CSMD1: variants seen among roughly 807,000 people sequenced by gnomAD.
CSMD1 encodes the protein CUB and sushi domain-containing protein 1.
A neutral mutation model predicts 417.5 loss-of-function variants in CSMD1; 213 were observed. The observed-to-expected ratio is 0.51, with a 90% CI of 0.46 to 0.57. The LOEUF (loss-of-function observed/expected upper bound fraction) is 0.57. Among genes scored for constraint, CSMD1 ranks in the 20% least tolerant of loss-of-function variants. The pLI, the probability that CSMD1 is intolerant of heterozygous loss-of-function variation, is 0.00. For synonymous variants in CSMD1, 2,862 were observed against 1,736.8 expected, an observed-to-expected ratio of 1.65 and a Z score of -16.11; for missense variants, 6,923 against 4,529.7, an observed-to-expected ratio of 1.53 and a Z score of -15.17.
chr8:4,077,134 A>C (rs2130798580), intron 3 of CSMD1, among the ~76,000 whole-genome samples: 1 of 151,844 alleles, frequency 6.6e-6, no homozygotes, highest in South Asian at 2.1e-4. Flanking sequence ...TGATGAAGTC[A>C]AGAAAGTTAA....
chr8:3,433,889 T>C (rs1814385485), intron 12 of CSMD1, among the ~76,000 whole-genome samples: 1 of 152,198 alleles, frequency 6.6e-6, no homozygotes, highest in South Asian at 2.1e-4. Flanking sequence ...TCTGGTTAAG[T>C]CAGCTAGAAA....
At position 4,637,346 on chromosome 8, in the gene CSMD1, C is replaced by G; in HGVS notation, c.298G>C (p.Val100Leu). Residue 100 changes from valine to leucine, a missense_variant, in exon 2 of 70, where the codon GTG becomes CTG. By Grantham distance (32) the Val-to-Leu change is conservative (BLOSUM62 1). Transcript: ENST00000635120. ...DGQPQQGNLK[V>L]RLSGFQLPSS... ...TATAAAAAGTTGATACCTTACCTCA[C>G]TTTTAAATTCCCTTGTTGAGGCTGT... 1 of 1,612,048 alleles carries G rather than the reference C, an allele frequency of 6.2e-7. No homozygotes were observed. The highest frequency in any genetic ancestry group is 8.5e-7 in the Non-Finnish European group (1 of 1,178,174).
intron 5 of CSMD1, among the ~76,000 whole-genome samples, chr8:3,986,971 T>A (rs1044354747): frequency 6.6e-6 from 1 of 152,130 alleles, no homozygotes; most frequent in East Asian, 1.9e-4. Flanking sequence ...TTCAGGCTGT[T>A]CTTGAACTAC....
chr8:3,789,673 G>A (rs950209527), intron 5 of CSMD1, among the ~76,000 whole-genome samples: 7 of 149,174 alleles, frequency 4.7e-5, no homozygotes, highest in South Asian at 4.2e-4. Context: ...AATGAGACAT[G>A]TATGACCTTG....
intron 3 of CSMD1, among the ~76,000 whole-genome samples, chr8:4,127,200 G>A (rs940784363): frequency 4.6e-5 from 7 of 152,012 alleles, no homozygotes; most frequent in Admixed American, 3.3e-4. Flanking sequence ...GGAGGTGGCT[G>A]TCCGGCCCCC....
chr8:4,367,261 G>A (rs73175763), intron 3 of CSMD1, among the ~76,000 whole-genome samples: 3,068 of 152,114 alleles, frequency 0.02, 48 homozygotes, highest in Admixed American at 0.028. Context: ...AAGTCCAGCC[G>A]GGCCAGACTG....
At chr8:3,456,018 C>T (rs1449018562) in intron 12 of CSMD1, among the ~76,000 whole-genome samples, 1 of 152,116 alleles carries the variant, frequency 6.6e-6, no homozygotes, top group East Asian at 1.9e-4. Flanking sequence ...TGGTGGGTGC[C>T]CCTCCCCCAG....
intron 3 of CSMD1, among the ~76,000 whole-genome samples, chr8:4,230,582 C>T (rs185823659): frequency 3.9e-5 from 6 of 152,146 alleles, no homozygotes; most frequent in Non-Finnish European, 7.4e-5. Flanking sequence ...AAAACACATC[C>T]TTAATGTTCA....
chr8:3,378,619 A>G (rs1336262274), intron 18 of CSMD1, among the ~76,000 whole-genome samples: 1 of 152,208 alleles, frequency 6.6e-6, no homozygotes, highest in Non-Finnish European at 1.5e-5. Context: ...AACGTAATCC[A>G]TCACTTAAAC....
intron 68 of CSMD1, among the ~76,000 whole-genome samples, chr8:2,944,687 C>A (rs1585032946): frequency 6.6e-6 from 1 of 151,450 alleles, no homozygotes; most frequent in Non-Finnish European, 1.5e-5. Context: ...TATATATTTG[C>A]AAAATTAAAA....
At chr8:4,649,962 C>T (rs1013109761) in intron 1 of CSMD1, among the ~76,000 whole-genome samples, 1 of 152,178 alleles carries the variant, frequency 6.6e-6, no homozygotes, top group Admixed American at 6.5e-5. Context: ...GTCGTTCACA[C>T]AGATGACACA....
intron 2 of CSMD1, among the ~76,000 whole-genome samples, chr8:4,609,848 T>C (rs1165034596): frequency 6.6e-6 from 1 of 152,208 alleles, no homozygotes; most frequent in Non-Finnish European, 1.5e-5. Context: ...AGCTTTCTGA[T>C]AGCTCTGGTA....
At chr8:4,803,610 T>C (rs1213542218) in intron 1 of CSMD1, among the ~76,000 whole-genome samples, 4 of 152,268 alleles carry the variant, frequency 2.6e-5, no homozygotes, top group African/African-American at 9.6e-5. Flanking sequence ...AGATCTTAAT[T>C]ACTGAAAAGA....
intron 46 of CSMD1, among the ~76,000 whole-genome samples, chr8:3,099,537 CAGTT>C (rs1563338757): frequency 2.0e-5 from 3 of 152,196 alleles, no homozygotes; most frequent in Admixed American, 6.5e-5. Context: ...ACTTGAAAAA[CAGTT>C]AGCCAATCTC....
intron 5 of CSMD1, among the ~76,000 whole-genome samples, chr8:3,755,094 T>G (rs1273738392): frequency 6.6e-6 from 1 of 152,250 alleles, no homozygotes; most frequent in African/African-American, 2.4e-5. Flanking sequence ...TTGAAAACCT[T>G]ATGTGCTTAC....
chr8:4,221,901 C>A (rs893908781), intron 3 of CSMD1, among the ~76,000 whole-genome samples: 1 of 152,068 alleles, frequency 6.6e-6, no homozygotes, highest in Non-Finnish European at 1.5e-5. Flanking sequence ...TTCACCAGAC[C>A]AGAGAAAATG....
At chr8:3,251,540 G>T (rs577981453) in intron 26 of CSMD1, among the ~76,000 whole-genome samples, 195 of 152,092 alleles carry the variant, frequency 1.3e-3, no homozygotes, top group East Asian at 1.5e-3. Context: ...TTGACTTGGC[G>T]ATGCGGGCTC....
intron 4 of CSMD1, among the ~76,000 whole-genome samples, chr8:4,014,968 G>C (rs943395769): frequency 6.6e-6 from 1 of 152,172 alleles, no homozygotes; most frequent in Non-Finnish European, 1.5e-5. Context: ...TGACGTGCTT[G>C]GCAGAAAATG....
At chr8:4,635,068 CA>C (rs1802744028) in intron 2 of CSMD1, among the ~76,000 whole-genome samples, 1 of 152,080 alleles carries the variant, frequency 6.6e-6, no homozygotes, top group Admixed American at 6.5e-5. Context: ...GGACAATAAA[CA>C]AGTAGAAATA....
Sources: allele counts gnomAD v4.1 joint callset (sites outside exome capture counted in the v4.1 genomes callset), GRCh38; gene constraint gnomAD v4.1.1; transcripts MANE v1.5; gene names NCBI Gene and HGNC (gene_info 2026-07-23, HGNC 2026-07-21).